The following RBFOX1 variants were observed in gnomAD, a reference collection of about 807,000 sequenced individuals.
The protein encoded by RBFOX1 is RNA binding protein fox-1 homolog 1.
In RBFOX1, 8 loss-of-function variants were observed where a neutral mutation model predicts 57.7. The ratio of observed to expected loss-of-function variants is 0.14; its 90% CI spans 0.08 to 0.25. The LOEUF is 0.25. RBFOX1 is among the 10% of genes least tolerant of loss of function. The pLI is 1.00. For missense variants in RBFOX1, 611 were observed against 548.5 expected, an observed-to-expected ratio of 1.11 and a Z score of -1.14; for synonymous variants, 326 against 222.4, an observed-to-expected ratio of 1.47 and a Z score of -4.15.
chr16:5,367,995 G>A (rs1875739034), intron 1 of RBFOX1, among the ~76,000 whole-genome samples: 3 of 152,184 alleles, frequency 2.0e-5, no homozygotes, highest in South Asian at 4.2e-4. Context: ...TGGGTTCCAC[G>A]GGGGTTCTTC....
At chr16:5,890,739 C>G (rs1052645842) in intron 4 of RBFOX1, among the ~76,000 whole-genome samples, 3 of 145,874 alleles carry the variant, frequency 2.1e-5, no homozygotes, top group Non-Finnish European at 4.5e-5. Flanking sequence ...TGCTGGTCTT[C>G]AGCCCTACAT....
chr16:6,316,733 G>A (rs2081168284), intron 1 of RBFOX1, among the ~76,000 whole-genome samples: 1 of 152,100 alleles, frequency 6.6e-6, no homozygotes, highest in Non-Finnish European at 1.5e-5. Context: ...TCAACTGTGG[G>A]AGCTGTCTGG....
chr16:5,430,458 G>T (rs72761010), intron 1 of RBFOX1, among the ~76,000 whole-genome samples: 1 of 152,304 alleles, frequency 6.6e-6, no homozygotes, highest in Non-Finnish European at 1.5e-5. Flanking sequence ...GAGAGAGCTG[G>T]GGCTGGAGCT....
At chr16:7,323,605 C>G (rs938853235) in intron 4 of RBFOX1, among the ~76,000 whole-genome samples, 3 of 152,178 alleles carry the variant, frequency 2.0e-5, no homozygotes, top group African/African-American at 7.2e-5. Context: ...ACGGCCTTGG[C>G]CAATTCACTT....
intron 1 of RBFOX1, chr16:5,270,144 A>T (rs371054041): frequency 3.8e-5 from 11 of 287,146 alleles, no homozygotes; most frequent in East Asian, 3.3e-4. Context: ...AAAATATAAA[A>T]TTTAGCCTTT....
chr16:7,355,584 T>A (rs1297653019), intron 4 of RBFOX1, among the ~76,000 whole-genome samples: 1 of 152,234 alleles, frequency 6.6e-6, no homozygotes, highest in African/African-American at 2.4e-5. Context: ...ATTGCTTTTA[T>A]TTATCTAACA....
At chr16:5,431,549 ATTTTT>A (rs1730218674) in intron 1 of RBFOX1, among the ~76,000 whole-genome samples, 1 of 151,650 alleles carries the variant, frequency 6.6e-6, no homozygotes, top group Non-Finnish European at 1.5e-5. Flanking sequence ...TAGTTGTTGT[ATTTTT>A]ACTAGAGACG....
intron 3 of RBFOX1, among the ~76,000 whole-genome samples, chr16:6,859,082 C>T (rs2058415976): frequency 8.0e-6 from 1 of 124,650 alleles, no homozygotes; most frequent in Non-Finnish European, 1.7e-5. Context: ...CCCTTAATAC[C>T]ATCAGTGTTG....
intron 3 of RBFOX1, among the ~76,000 whole-genome samples, chr16:5,682,339 G>C (rs996186169): frequency 6.6e-6 from 1 of 152,186 alleles, no homozygotes; most frequent in African/African-American, 2.4e-5. Context: ...TTGCACAGCT[G>C]TGAAACCTAG....
chr16:6,984,733 C>T (rs138874970), intron 3 of RBFOX1, among the ~76,000 whole-genome samples: 2,691 of 152,202 alleles, frequency 0.018, 85 homozygotes, highest in African/African-American at 0.061. Context: ...CTCTGCCTCC[C>T]AGGTTCATGA....
chr16:7,368,716 C>G (rs1416368965), intron 4 of RBFOX1, among the ~76,000 whole-genome samples: 2 of 150,312 alleles, frequency 1.3e-5, no homozygotes, highest in Admixed American at 1.3e-4. Flanking sequence ...GGAGACAGAG[C>G]TTGCAGTGAG....
chr16:7,230,426 C>T (rs1386672836), intron 4 of RBFOX1, among the ~76,000 whole-genome samples: 1 of 152,148 alleles, frequency 6.6e-6, no homozygotes, highest in Non-Finnish European at 1.5e-5. Context: ...ATCTGCCTGC[C>T]TCTAAATCCC....
chr16:5,371,029 C>A (rs1200329190), intron 1 of RBFOX1, among the ~76,000 whole-genome samples: 2 of 152,226 alleles, frequency 1.3e-5, no homozygotes, highest in East Asian at 3.9e-4. Context: ...CTCACTGCAA[C>A]CTCTGCCTCC....
At position 6,289,259 on chromosome 16, in the gene RBFOX1, G is replaced by A. The variant is rs371619212; in HGVS notation, c.-126-27736G>A. Among the ~76,000 whole-genome samples the A allele has an allele frequency of 1.9e-4, 29 of 152,190 alleles. 1 individual carries two copies. Among genetic ancestry groups the A allele is most frequent in the African/African-American group, 7.0e-4 (29 of 41,542 alleles). On this transcript the variant is annotated intron_variant, in intron 1 of 15. Transcript: ENST00000550418. The stretch of plus-strand genomic sequence containing the variant: ...TGACATTTTTGGAAGTGTGGATATA[G>A]GATGGAAAGGTTTGGAAGGGTGGAG...
chr16:7,517,108 T>C (rs1480146955), intron 4 of RBFOX1, among the ~76,000 whole-genome samples: 1 of 150,792 alleles, frequency 6.6e-6, no homozygotes, highest in East Asian at 2.0e-4. Flanking sequence ...CCATGGAAAG[T>C]TTAGACCTTT....
At position 6,277,458 on chromosome 16, in the gene RBFOX1, C is replaced by CAAAAAAAAA. The variant is rs59733415; in HGVS notation, c.-126-39525_-126-39517dup. Among the ~76,000 whole-genome samples, 243 of 80,776 alleles carry CAAAAAAAAA rather than the reference C, an allele frequency of 3.0e-3. 1 individual carries two copies. The highest frequency in any genetic ancestry group is 8.7e-3 in the African/African-American group (179 of 20,688). The allele number at this position is 80,776 out of a possible 152,430, so 53.0% of individuals were successfully genotyped here. On this transcript the variant is annotated intron_variant, in intron 1 of 15. Transcript: ENST00000550418. ...AGTGACAGAACAAGAGTCTGTCTCCCAAAAAAAAAAAAAAAAAAAACCTCA... is the reference window on the plus strand; with the variant it reads ...AGTGACAGAACAAGAGTCTGTCTCCCAAAAAAAAAAAAAAAAAAAAAAAAAAAAACCTCA...
rs567070072 is a variant in RBFOX1, at chr16:6,809,198, T to G, written c.-16+154548T>G. On this transcript the variant is annotated intron_variant, in intron 3 of 15. Coordinates refer to ENST00000550418, the MANE Select transcript of RBFOX1 (RefSeq NM_018723.4). ...CCTTTTTCTGTCTATGAATTTTCTTTCACCACCTTGGCTACGCTGGAGTCT... is the reference window on the plus strand; with the variant it reads ...CCTTTTTCTGTCTATGAATTTTCTTGCACCACCTTGGCTACGCTGGAGTCT... 2.0e-5 allele frequency among the ~76,000 whole-genome samples: 3 copies of G among 152,340 alleles called. No individual in the cohort carries two copies. The East Asian group carries it at 5.8e-4, about 29-fold the overall frequency.
chr16:5,317,577 C>G (rs985401555), intron 1 of RBFOX1, among the ~76,000 whole-genome samples: 3 of 152,138 alleles, frequency 2.0e-5, no homozygotes, highest in African/African-American at 7.2e-5. Flanking sequence ...CCGTTGCACT[C>G]CAGCCTGGGC....
chr16:7,211,729 C>T (rs971829063), intron 4 of RBFOX1, among the ~76,000 whole-genome samples: 3 of 152,072 alleles, frequency 2.0e-5, no homozygotes, highest in African/African-American at 7.2e-5. Context: ...GCTCTCGTGC[C>T]AGGTGGGCAT....
Sources: gnomAD v4.1 joint callset for allele counts (sites outside exome capture counted in the v4.1 genomes callset) on GRCh38, gnomAD v4.1.1 for gene constraint, MANE v1.5 for transcripts, NCBI Gene and HGNC (gene_info 2026-07-23, HGNC 2026-07-21) for gene names.